RBM26: variants seen among roughly 807,000 people sequenced by gnomAD.
The protein encoded by RBM26 is RNA-binding protein 26.
A neutral mutation model predicts 123.6 loss-of-function variants in RBM26; 30 were observed. That is an observed-to-expected ratio of 0.24 (90% CI 0.18 to 0.33). The LOEUF is 0.33. Among genes scored for constraint, RBM26 ranks in the 10% least tolerant of loss-of-function variants. The pLI is 1.00. For synonymous variants in RBM26, 400 were observed against 404.4 expected, an observed-to-expected ratio of 0.99 and a Z score of 0.13; for missense variants, 947 against 1,203.6, an observed-to-expected ratio of 0.79 and a Z score of 3.15.
intron 1 of RBM26, among the ~76,000 whole-genome samples, chr13:79,395,576 C>G (rs1566595456): frequency 3.3e-5 from 5 of 149,526 alleles, no homozygotes; most frequent in Non-Finnish European, 7.4e-5. Flanking sequence ...CCCATCTCTA[C>G]AAAAAAAAAT....
chr13:79,328,023 T>G (rs17071247), intron 20 of RBM26, among the ~76,000 whole-genome samples: 9,098 of 152,210 alleles, frequency 0.06, 528 homozygotes, highest in African/African-American at 0.15. Flanking sequence ...TAAAAAGTAC[T>G]GAAGAACTTG....
chr13:79,325,503 AAAGT>A (rs1566296219), intron 20 of RBM26, among the ~76,000 whole-genome samples: 2 of 152,172 alleles, frequency 1.3e-5, no homozygotes, highest in African/African-American at 4.8e-5. Context: ...AAAAGTTTAA[AAAGT>A]AAAACATAAA....
intron 4 of RBM26, 82 bp downstream of exon 4, chr13:79,371,760 G>A (rs1189936378): frequency 1.3e-5 from 13 of 987,140 alleles, no homozygotes; most frequent in African/African-American, 4.9e-5. Flanking sequence ...TTGCCTCTGC[G>A]TAAAAGATAA....
At chr13:79,365,874 TAAAAAG>T (rs1331806619) in intron 8 of RBM26, 156 bp from the exon 9 acceptor site, 12 of 954,790 alleles carry the variant, frequency 1.3e-5, no homozygotes, top group South Asian at 5.9e-5. Flanking sequence ...AAAAAGTTAT[TAAAAAG>T]AAAATGTTTT....
intron 20 of RBM26, among the ~76,000 whole-genome samples, chr13:79,331,040 T>C (rs1222953433): frequency 7.7e-6 from 1 of 130,454 alleles, no homozygotes; most frequent in Non-Finnish European, 1.7e-5. Flanking sequence ...AGATAGGGTC[T>C]GGCTCTGTCG....
chr13:79,373,709 AT>A, intron 3 of RBM26, among the ~76,000 whole-genome samples: 1 of 53,690 alleles, frequency 1.9e-5, no homozygotes, highest in Non-Finnish European at 5.4e-5. Flanking sequence ...TTTTATATAT[AT>A]ATATTACTAT....
chr13:79,373,799 C>G (rs1265806334), intron 3 of RBM26, among the ~76,000 whole-genome samples: 1 of 144,764 alleles, frequency 6.9e-6, no homozygotes, highest in Non-Finnish European at 1.5e-5. Context: ...CAGTTTCTCA[C>G]AGCAGCATGA....
At chr13:79,354,978 G>A (rs944735878) in intron 12 of RBM26, among the ~76,000 whole-genome samples, 1 of 152,080 alleles carries the variant, frequency 6.6e-6, no homozygotes, top group Non-Finnish European at 1.5e-5. Context: ...TATCTGCCAC[G>A]GACTATTCCA....
intron 16 of RBM26, among the ~76,000 whole-genome samples, chr13:79,343,273 G>A (rs1303817207): frequency 6.6e-6 from 1 of 151,774 alleles, no homozygotes; most frequent in African/African-American, 2.4e-5. Context: ...CATACAATGA[G>A]ATATTAGAAA....
chr13:79,372,697 T>TTA (rs2076027039), intron 3 of RBM26, among the ~76,000 whole-genome samples: 1 of 140,092 alleles, frequency 7.1e-6, no homozygotes, highest in South Asian at 2.1e-4. Context: ...ATATACATGT[T>TTA]TATATATATA....
chr13:79,312,437 A>AT (rs1245584882), exon 5 of RBM26: 2 of 152,016 alleles, frequency 1.3e-5, no homozygotes, highest in Non-Finnish European at 2.9e-5. Context: ...AAATCGACAC[A>AT]TCAATGCAAA....
At chr13:79,405,585 T>C (rs1286268219) in intron 1 of RBM26, 119 bp downstream of exon 1, 6 of 575,580 alleles carry the variant, frequency 1.0e-5, no homozygotes, top group Admixed American at 2.9e-5. Flanking sequence ...CACAGAACCC[T>C]GGGACCTCCG....
chr13:79,394,289 G>C (rs1409731969), intron 1 of RBM26, among the ~76,000 whole-genome samples: 1 of 152,130 alleles, frequency 6.6e-6, no homozygotes, highest in Non-Finnish European at 1.5e-5. Context: ...CTCCATAAAG[G>C]CTCACTCTGG....
chr13:79,403,274 T>C (rs975751178), intron 1 of RBM26, among the ~76,000 whole-genome samples: 3 of 152,076 alleles, frequency 2.0e-5, no homozygotes, highest in African/African-American at 7.2e-5. Context: ...CTACACACAT[T>C]AGAAAAGGAC....
chr13:79,393,803 G>A (rs868403113), intron 1 of RBM26, among the ~76,000 whole-genome samples: 5 of 152,148 alleles, frequency 3.3e-5, no homozygotes, highest in Admixed American at 1.3e-4. Context: ...GGAGGCTCAC[G>A]AGAATGATAG....
At chr13:79,377,771 G>A (rs1438549562) in intron 2 of RBM26, among the ~76,000 whole-genome samples, 1 of 152,094 alleles carries the variant, frequency 6.6e-6, no homozygotes, top group African/African-American at 2.4e-5. Flanking sequence ...AGCCAGGCAT[G>A]ATGGCAGGTG....
At chr13:79,398,308 C>T (rs2078768882) in intron 1 of RBM26, among the ~76,000 whole-genome samples, 1 of 152,192 alleles carries the variant, frequency 6.6e-6, no homozygotes, top group Non-Finnish European at 1.5e-5. Context: ...ACATTTTGCT[C>T]ATAATACAGT....
chr13:79,405,629 G>C, intron 1 of RBM26, 75 bp downstream of exon 1: 1 of 1,065,564 alleles, frequency 9.4e-7, no homozygotes, highest in Non-Finnish European at 1.3e-6. Context: ...AGGCACTTGG[G>C]GAAACTGCAC....
intron 1 of RBM26, among the ~76,000 whole-genome samples, chr13:79,393,724 T>C (rs1391416638): frequency 1.3e-5 from 2 of 152,130 alleles, no homozygotes; most frequent in East Asian, 1.9e-4. Context: ...TGAGATCACC[T>C]TGTGGGGGTG....
Sources: gnomAD v4.1 joint callset for allele counts (sites outside exome capture counted in the v4.1 genomes callset) on GRCh38, gnomAD v4.1.1 for gene constraint, MANE v1.5 for transcripts, NCBI Gene and HGNC (gene_info 2026-07-23, HGNC 2026-07-21) for gene names.